The following CCL17 variants were observed in gnomAD, a reference collection of about 807,000 sequenced individuals.
The protein encoded by CCL17 is C-C motif chemokine ligand 17, also known as C-C motif chemokine 17.
Under a neutral mutation model 7.4 loss-of-function variants are expected in CCL17, and 8 were observed. That is an observed-to-expected ratio of 1.09 (90% CI 0.64 to 1.96). The LOEUF is 1.96. Among genes scored for constraint, CCL17 ranks in the 30% most tolerant of loss-of-function variants. The pLI is 0.00. For synonymous variants in CCL17, 40 were observed against 46.1 expected, an observed-to-expected ratio of 0.87 and a Z score of 0.54; for missense variants, 102 against 113.0, an observed-to-expected ratio of 0.90 and a Z score of 0.44.
Position 57,415,157 on chromosome 16 carries a change from G to A in CCL17, c.147G>A (p.Thr49=), listed in dbSNP as rs907696180. The change falls in exon 3 of 4, where the codon ACG becomes ACA. Residue 49 remains threonine, a synonymous_variant. Coordinates refer to ENST00000219244, the MANE Select transcript of CCL17 (RefSeq NM_002987.3). This position sits in a 1 kb window ranked among gnomAD's most constrained non-coding sequence, Gnocchi z 4.5. The part of the protein sequence containing the change: ...KGAIPLRKLK[T]WYQTSEDCSR... The stretch of plus-strand genomic sequence containing the variant: ...CCATTCCCCTTAGAAAGCTGAAGAC[G>A]TGGTACCAGACATCTGAGGACTGCT... The A allele has an allele frequency of 1.6e-5, 26 of 1,613,746 alleles. No individual in the cohort carries two copies. The highest frequency in any genetic ancestry group is 5.3e-5 in the African/African-American group (4 of 74,914).
upstream of CCL17, among the ~76,000 whole-genome samples, chr16:57,403,487 AAT>A (rs368230055): frequency 0.82 from 12,535 of 15,240 alleles, 5,562 homozygotes; most frequent in Non-Finnish European, 0.9. Flanking sequence ...ATTATATAAT[AAT>A]ATATATATTA....
At chr16:57,398,046 C>G in the CCL17 span, among the ~76,000 whole-genome samples, 2 of 152,182 alleles carry the variant, frequency 1.3e-5, no homozygotes, top group Non-Finnish European at 2.9e-5. Flanking sequence ...AGAAAAGTAG[C>G]AGGGCTGAGG....
Position 57,415,092 on chromosome 16 carries a change from A to G in CCL17, c.82A>G (p.Asn28Asp), listed in dbSNP as rs1381510919. 6.2e-7 allele frequency: 1 copy of G among 1,612,970 alleles called. No homozygotes were observed. Among genetic ancestry groups the G allele is most frequent in the South Asian group, 1.1e-5 (1 of 91,058 alleles). Residue 28 changes from asparagine (N) to aspartate (D), a missense_variant, in exon 3 of 4, where the codon AAT becomes GAT. Asn to Asp is a conservative substitution (Grantham distance 23). Coordinates refer to ENST00000219244, the MANE Select transcript of CCL17 (RefSeq NM_002987.3). The surrounding 1 kb of genome is among the most constrained non-coding windows in gnomAD (Gnocchi z 4.5). ...TCCTCTCCCTGCAGCTCGAGGGACCAATGTGGGCCGGGAGTGCTGCCTGGA... is the reference window on the plus strand; with the variant it reads ...TCCTCTCCCTGCAGCTCGAGGGACCGATGTGGGCCGGGAGTGCTGCCTGGA... ...LQHIHAARGT[N>D]VGRECCLEYF... is the part of the protein sequence containing the mutation.
upstream of CCL17, among the ~76,000 whole-genome samples, chr16:57,403,172 CTATAATATA>C (rs1253693868): frequency 4.7e-5 from 3 of 64,044 alleles, no homozygotes; most frequent in Non-Finnish European, 8.0e-5. Context: ...ATATTATTAT[CTATAATATA>C]TATAATATAT....
At chr16:57,410,929 C>G (rs1278073759) in intron 1 of CCL17, among the ~76,000 whole-genome samples, 1 of 152,214 alleles carries the variant, frequency 6.6e-6, no homozygotes, top group Non-Finnish European at 1.5e-5. Context: ...GTAGACACAG[C>G]CAGTCCTCGT....
At chr16:57,408,359 C>A (rs1598011287) in intron 1 of CCL17, among the ~76,000 whole-genome samples, 1 of 152,256 alleles carries the variant, frequency 6.6e-6, no homozygotes, top group East Asian at 1.9e-4. Context: ...TCCATTCACC[C>A]ATTCATTCAT....
At chr16:57,407,599 T>C (rs1163522907) in intron 1 of CCL17, among the ~76,000 whole-genome samples, 1 of 152,132 alleles carries the variant, frequency 6.6e-6, no homozygotes, top group Non-Finnish European at 1.5e-5. Flanking sequence ...CATACTTCTA[T>C]TCATCCATCC....
At chr16:57,398,702 G>T in the CCL17 span, among the ~76,000 whole-genome samples, 1 of 152,212 alleles carries the variant, frequency 6.6e-6, no homozygotes, top group Admixed American at 6.5e-5. Flanking sequence ...TTGACTTGTT[G>T]TAGGCAGAGC....
upstream of CCL17, among the ~76,000 whole-genome samples, chr16:57,402,117 G>A (rs1485173569): frequency 6.6e-6 from 1 of 152,242 alleles, no homozygotes; most frequent in Non-Finnish European, 1.5e-5. Flanking sequence ...TGAGGTGCTG[G>A]TTCTTCCCTG....
At chr16:57,403,756 A>G, upstream of CCL17, among the ~76,000 whole-genome samples, 1 of 139,824 alleles carries the variant, frequency 7.2e-6, no homozygotes, top group Admixed American at 8.3e-5. Context: ...TCCTGGGTTC[A>G]AGTGATTCTC....
At chr16:57,397,155 TC>T in the CCL17 span, among the ~76,000 whole-genome samples, 1 of 152,322 alleles carries the variant, frequency 6.6e-6, no homozygotes, top group East Asian at 1.9e-4. Flanking sequence ...GGTGCCCTAT[TC>T]TTTGTTGTCC....
chr16:57,398,343 T>C, the CCL17 span, among the ~76,000 whole-genome samples: 2 of 152,178 alleles, frequency 1.3e-5, no homozygotes, highest in Admixed American at 6.5e-5. Context: ...CGAGTCTGAG[T>C]AAGGACTCCA....
intron 1 of CCL17, among the ~76,000 whole-genome samples, chr16:57,412,979 C>T (rs1455608297): frequency 2.0e-5 from 3 of 152,198 alleles, no homozygotes; most frequent in African/African-American, 4.8e-5. Flanking sequence ...AGTGGACTTA[C>T]GTTCTGTCAT....
intron 1 of CCL17, among the ~76,000 whole-genome samples, chr16:57,409,330 G>A (rs979027670): frequency 6.6e-6 from 1 of 152,170 alleles, no homozygotes; most frequent in African/African-American, 2.4e-5. Flanking sequence ...GTAAAGGCCC[G>A]GCATTTTCAA....
At chr16:57,413,160 A>G (rs1902812359) in intron 1 of CCL17, among the ~76,000 whole-genome samples, 1 of 152,134 alleles carries the variant, frequency 6.6e-6, no homozygotes, top group African/African-American at 2.4e-5. Context: ...AAGGCATCCC[A>G]TTTAGGGGAA....
intron 1 of CCL17, among the ~76,000 whole-genome samples, chr16:57,405,112 G>A (rs1902675207): frequency 6.6e-6 from 1 of 152,182 alleles, no homozygotes; most frequent in Non-Finnish European, 1.5e-5. Context: ...AGATTGGCCT[G>A]AAAAGTTTTG....
intron 1 of CCL17, among the ~76,000 whole-genome samples, chr16:57,406,368 C>T (rs1017261601): frequency 1.1e-4 from 16 of 152,110 alleles, no homozygotes; most frequent in Admixed American, 9.8e-4. Context: ...TGGGCTCAAG[C>T]GATCTTCCCA....
chr16:57,397,762 T>C, the CCL17 span, among the ~76,000 whole-genome samples: 4 of 152,216 alleles, frequency 2.6e-5, no homozygotes, highest in Non-Finnish European at 4.4e-5. Flanking sequence ...TATTCTTTTT[T>C]TCCTTTCCCA....
At chr16:57,397,527 G>A in the CCL17 span, among the ~76,000 whole-genome samples, 11 of 152,320 alleles carry the variant, frequency 7.2e-5, no homozygotes, top group Middle Eastern at 3.4e-3. Flanking sequence ...TGACCTCAGC[G>A]TCTGCCTGAC....
Sources: allele counts gnomAD v4.1 joint callset (sites outside exome capture counted in the v4.1 genomes callset), GRCh38; gene constraint gnomAD v4.1.1; non-coding constraint Gnocchi (gnomAD v3.1); transcripts MANE v1.5; gene names NCBI Gene and HGNC (gene_info 2026-07-23, HGNC 2026-07-21).